PLA2R1: variants seen among roughly 807,000 people sequenced by gnomAD.
PLA2R1 encodes the protein phospholipase A2 receptor 1, also known as secretory phospholipase A2 receptor.
PLA2R1 carries 158 observed loss-of-function variants against 195.9 expected under a neutral mutation model. The ratio of observed to expected loss-of-function variants is 0.81; its 90% CI spans 0.71 to 0.92. PLA2R1 has a LOEUF of 0.92. Ranked by LOEUF, PLA2R1 falls within the 40% of genes least tolerant of loss-of-function variation. PLA2R1 has a pLI of 0.00. For synonymous variants in PLA2R1, 586 were observed against 598.2 expected (o/e 0.98, Z 0.30); for missense variants, 1,626 against 1,764.6 (o/e 0.92, Z 1.41).
the PLA2R1 span, among the ~76,000 whole-genome samples, chr2:159,924,338 G>T: frequency 1.3e-5 from 2 of 152,138 alleles, no homozygotes; most frequent in Non-Finnish European, 2.9e-5. Flanking sequence ...GTAACATTCG[G>T]ATTCCAGGGA....
In PLA2R1 at chr2:160,016,715, A is replaced by C; in HGVS notation, c.1453-3T>G. On this transcript the variant is annotated splice_polypyrimidine_tract_variant and splice_region_variant and intron_variant, in intron 8 of 29. Coordinates refer to ENST00000283243, the MANE Select transcript of PLA2R1 (RefSeq NM_007366.5). ...TTTTTGACTTTCCAGTGTCCCTCCT[A>C]CGGAGAAAAATGTTACAAGAGAATG... 6.8e-7 allele frequency: 1 copy of C among 1,467,596 alleles called. No individual in the cohort carries two copies. The highest frequency in any genetic ancestry group is 9.6e-7 in the Non-Finnish European group (1 of 1,047,008). The allele number at this position is 1,467,596 out of a possible 1,614,324, so 90.9% of individuals were successfully genotyped here.
chr2:159,984,418 G>A (rs1690185629), intron 12 of PLA2R1, among the ~76,000 whole-genome samples: 1 of 152,034 alleles, frequency 6.6e-6, no homozygotes, highest in South Asian at 2.1e-4. Context: ...GGCCAAGAGA[G>A]GTTAAGAATT....
chr2:159,951,327 T>C lies in PLA2R1; in HGVS notation c.3540+13A>G, dbSNP rs758480866. 7.0e-7 allele frequency: 1 copy of C among 1,432,136 alleles called. No individual in the cohort carries two copies. The highest frequency in any genetic ancestry group is 9.9e-7 in the Non-Finnish European group (1 of 1,014,182). 88.7% of individuals were successfully genotyped at this position (1,432,136 alleles called of 1,614,324 possible). On this transcript the variant is annotated intron_variant, in intron 24 of 29. Coordinates refer to ENST00000283243, the MANE Select transcript of PLA2R1 (RefSeq NM_007366.5). ...ATTATTCAAGGATGTCTCAAGGGAGTTAGGATACCTACATCTGTGGTGAAC... is the reference window on the plus strand; with the variant it reads ...ATTATTCAAGGATGTCTCAAGGGAGCTAGGATACCTACATCTGTGGTGAAC...
chr2:159,926,062 A>C, the PLA2R1 span, among the ~76,000 whole-genome samples: 1 of 152,216 alleles, frequency 6.6e-6, no homozygotes, highest in East Asian at 1.9e-4. Context: ...ATTTGATCAA[A>C]CGTAAAAAGC....
chr2:159,980,339 T>C (rs745747912), intron 13 of PLA2R1, among the ~76,000 whole-genome samples: 1 of 152,166 alleles, frequency 6.6e-6, no homozygotes, highest in Non-Finnish European at 1.5e-5. Context: ...CAAGAACACA[T>C]GAAAAGAAAA....
intron 1 of PLA2R1, 49 bp downstream of exon 1, chr2:160,062,246 A>ACCCCC: frequency 1.2e-6 from 1 of 827,552 alleles, no homozygotes; most frequent in Non-Finnish European, 1.7e-6. Context: ...GACCACCCCG[A>ACCCCC]CCCCCCTCCC....
rs569994588 is a variant in PLA2R1, at chr2:159,936,450, A to G, written c.*5328T>C. 4 of 152,374 alleles carry G rather than the reference A, an allele frequency of 2.6e-5. No individual in the cohort carries two copies. In the South Asian group the frequency reaches 8.3e-4, roughly 32 times the overall value. The allele number at this position is 152,374 out of a possible 1,614,324, so 9.4% of individuals were successfully genotyped here. A position where few individuals can be genotyped will look rare whatever the true frequency, so the allele number is the denominator to read the frequency against. On this transcript the variant is annotated 3_prime_UTR_variant, in exon 30 of 30. Transcript: ENST00000283243. The stretch of plus-strand genomic sequence containing the variant: ...TGTTAATGAAATGGATATATCATAG[A>G]TAAAAATTAATTAGTATTAAAAACT...
intron 20 of PLA2R1, among the ~76,000 whole-genome samples, chr2:159,964,701 CT>C (rs113758376): frequency 1.4e-3 from 211 of 151,696 alleles, no homozygotes; most frequent in Non-Finnish European, 1.3e-3. Flanking sequence ...CATGGCAACC[CT>C]TTTTTTTAAA....
At chr2:159,943,495 G>T (rs976581316) in intron 28 of PLA2R1, among the ~76,000 whole-genome samples, 2 of 152,178 alleles carry the variant, frequency 1.3e-5, no homozygotes, top group African/African-American at 4.8e-5. Context: ...AAGAAAGACT[G>T]TTAAGAGTGT....
intron 2 of PLA2R1, 44 bp downstream of exon 2, chr2:160,044,730 T>TA (rs749724149): frequency 3.9e-6 from 6 of 1,553,482 alleles, no homozygotes; most frequent in Admixed American, 1.8e-5. Flanking sequence ...AGGCAAACCT[T>TA]AAAAAAACAC....
At chr2:160,035,864 T>C (rs2105545430) in intron 3 of PLA2R1, among the ~76,000 whole-genome samples, 1 of 152,338 alleles carries the variant, frequency 6.6e-6, no homozygotes, top group East Asian at 1.9e-4. Flanking sequence ...ATGACCCCTG[T>C]GTTGCCAAAT....
chr2:160,029,002 G>T, intron 4 of PLA2R1, 39 bp from the exon 5 acceptor site: 2 of 1,073,840 alleles, frequency 1.9e-6, no homozygotes, highest in Non-Finnish European at 1.5e-6. Flanking sequence ...AAAAAATCCA[G>T]TGTTACACAT....
intron 11 of PLA2R1, among the ~76,000 whole-genome samples, chr2:159,992,307 T>G (rs561343286): frequency 1.3e-5 from 2 of 149,116 alleles, no homozygotes; most frequent in East Asian, 4.0e-4. Context: ...CTAAGCAACT[T>G]CAGCAAAGTC....
intron 20 of PLA2R1, among the ~76,000 whole-genome samples, chr2:159,958,709 T>C (rs1280647064): frequency 1.3e-5 from 2 of 152,158 alleles, no homozygotes; most frequent in Admixed American, 6.5e-5. Flanking sequence ...ACAGGACAAT[T>C]TTGCCCCTCA....
chr2:160,047,039 C>T (rs1694912334), intron 1 of PLA2R1, among the ~76,000 whole-genome samples: 1 of 152,202 alleles, frequency 6.6e-6, no homozygotes, highest in Non-Finnish European at 1.5e-5. Context: ...AGTTCAGCTT[C>T]TACCTAATAT....
rs1041271290 is a variant in PLA2R1 at position 159,935,459 on chromosome 2, C to T, written c.*6319G>A. ...TTTCTTCTTTTCATTCATTCATTCA[C>T]TCATTCAATTGTTTACATCAGTATG... On this transcript the variant is annotated 3_prime_UTR_variant, in exon 30 of 30. Transcript: ENST00000283243. The T allele has an allele frequency of 2.6e-5, 4 of 152,180 alleles. No individual in the cohort carries two copies. Among genetic ancestry groups the T allele is most frequent in the African/African-American group, 7.2e-5 (3 of 41,442 alleles). The allele number at this position is 152,180 out of a possible 1,614,324, so 9.4% of individuals were successfully genotyped here.
At position 159,999,955 on chromosome 2, in the gene PLA2R1, T is replaced by C. The variant is rs74944352; in HGVS notation, c.1834+5697A>G. ...CTGGATAAAACATTTTGAAAACATC[T>C]TTATAAATGTATGGCTGAGCTGGCA... is the stretch of plus-strand genomic sequence containing the variant. On this transcript the variant is annotated intron_variant, in intron 11 of 29. Coordinates refer to ENST00000283243, the MANE Select transcript of PLA2R1 (RefSeq NM_007366.5). Among the ~76,000 whole-genome samples the C allele has an allele frequency of 1.9e-3, 296 of 152,286 alleles. 2 individuals are homozygous for C. Among genetic ancestry groups the C allele is most frequent in the Non-Finnish European group, 3.6e-3 (243 of 68,014 alleles).
intron 19 of PLA2R1, 121 bp downstream of exon 19, chr2:159,969,135 C>G (rs76552741): frequency 1.7e-6 from 1 of 597,364 alleles, no homozygotes; most frequent in Non-Finnish European, 2.9e-6. Flanking sequence ...AAACTGAACA[C>G]GTCAACTGAA....
intron 12 of PLA2R1, 64 bp downstream of exon 12, chr2:159,987,092 A>G: frequency 7.8e-7 from 1 of 1,276,284 alleles, no homozygotes; most frequent in East Asian, 2.3e-5. Context: ...GGAATTTGGG[A>G]TACATGGATC....
Sources: gnomAD v4.1 joint callset for allele counts (sites outside exome capture counted in the v4.1 genomes callset) on GRCh38, gnomAD v4.1.1 for gene constraint, MANE v1.5 for transcripts, NCBI Gene and HGNC (gene_info 2026-07-23, HGNC 2026-07-21) for gene names.